The following ZNF778 variants were observed in gnomAD, a reference collection of about 807,000 sequenced individuals.
The protein encoded by ZNF778 is zinc finger protein 778.
ZNF778 carries 37 observed loss-of-function variants against 23.9 expected under a neutral mutation model. That is an observed-to-expected ratio of 1.54 (90% CI 1.19 to 2.03). The LOEUF (loss-of-function observed/expected upper bound fraction) is 2.03. Among genes scored for constraint, ZNF778 ranks in the 30% most tolerant of loss-of-function variants. ZNF778 has a pLI of 0.00. For synonymous variants in ZNF778, 483 were observed against 343.9 expected (o/e 1.40, Z -4.48); for missense variants, 1,297 against 934.4 (o/e 1.39, Z -5.06).
chr16:89,225,801 G>C (rs1022690630), intron 6 of ZNF778, among the ~76,000 whole-genome samples, 170 bp downstream of exon 6: 3 of 152,314 alleles, frequency 2.0e-5, no homozygotes, highest in South Asian at 2.1e-4. Context: ...ACCTCATCCT[G>C]TCTTGAAACT....
Position 89,228,485 on chromosome 16 carries a change from G to A in ZNF778, c.2197G>A (p.Asp733Asn), listed in dbSNP as rs199878884. Residue 733 changes from aspartate to asparagine, a missense_variant, in exon 7 of 7, where the codon GAC (aspartate) becomes AAC (asparagine). By Grantham distance (23) the Asp-to-Asn change is conservative (BLOSUM62 1). Coordinates refer to ENST00000433976, the MANE Select transcript of ZNF778 (RefSeq NM_001201407.2). ...TGAAGAGCAGGTTTTTGTATGTAAG[G>A]ACTGTGGAAAATCTTTTAAGAATTC... ...YTEEQVFVCKDCGKSFKNSSC... is the reference protein window; with the variant it reads ...YTEEQVFVCKNCGKSFKNSSC... 2 of 1,610,926 alleles carry A rather than the reference G, an allele frequency of 1.2e-6. No individual in the cohort carries two copies. The highest frequency in any genetic ancestry group is 1.7e-6 in the Non-Finnish European group (2 of 1,179,114).
Position 89,227,505 on chromosome 16 carries a change from C to G in ZNF778, c.1217C>G (p.Ser406Ter). The change falls in exon 7 of 7, where the codon TCA becomes TGA. Residue 406 changes from serine (S) to a stop codon, truncating the protein, a stop_gained. Transcript: ENST00000433976. LOFTEE classifies it low-confidence loss of function (END_TRUNC). ...VVCGKYFRNS[S>*]CLNNHVRIHT... ...TGCGGAAAATATTTTAGAAATTCCT[C>G]ATGCCTTAATAATCATGTTCGAATT... 1.2e-6 allele frequency: 2 copies of G among 1,613,870 alleles called. No individual in the cohort carries two copies. The highest frequency in any genetic ancestry group is 1.7e-6 in the Non-Finnish European group (2 of 1,179,866).
Position 89,221,059 on chromosome 16 carries a change from C to T in ZNF778, c.-69C>T. 6.5e-7 allele frequency: 1 copy of T among 1,536,928 alleles called. No individual in the cohort carries two copies. Among genetic ancestry groups the T allele is most frequent in the Non-Finnish European group, 8.8e-7 (1 of 1,134,144 alleles). On this transcript the variant is annotated 5_prime_UTR_variant, in exon 2 of 7. Transcript: ENST00000433976. ...GGAGACTGTACCTTCCACATAGATTCACAAGCTGCCCTGCAGTGGCCTTGG... is the reference window on the plus strand; with the variant it reads ...GGAGACTGTACCTTCCACATAGATTTACAAGCTGCCCTGCAGTGGCCTTGG...
chr16:89,228,613 T>C lies in ZNF778; in HGVS notation c.*51T>C. ...GCTACACTCATTCACGTTGAAGACA[T>C]GAAAGACCTCTCGTTCTCCAGATGT... is the stretch of plus-strand genomic sequence containing the variant. On this transcript the variant is annotated 3_prime_UTR_variant, in exon 7 of 7. Coordinates refer to ENST00000433976, the MANE Select transcript of ZNF778 (RefSeq NM_001201407.2). 1 of 1,525,424 alleles carries C rather than the reference T, an allele frequency of 6.6e-7. No individual in the cohort carries two copies. The highest frequency in any genetic ancestry group is 1.4e-5 in the African/African-American group (1 of 72,008). The allele number at this position is 1,525,424 out of a possible 1,614,324, so 94.5% of individuals were successfully genotyped here. A position where few individuals can be genotyped will look rare whatever the true frequency, so the allele number is the denominator to read the frequency against.
intron 2 of ZNF778, among the ~76,000 whole-genome samples, chr16:89,221,419 A>T (rs1209082435): frequency 6.6e-6 from 1 of 152,218 alleles, no homozygotes; most frequent in Non-Finnish European, 1.5e-5. Context: ...TATCTGCAAT[A>T]GGAGCCTGTT....
Position 89,221,118 on chromosome 16 carries a change from G to A in ZNF778, c.-10G>A, listed in dbSNP as rs143895614. 6.4e-7 allele frequency: 1 copy of A among 1,567,578 alleles called. No homozygotes were observed. The highest frequency in any genetic ancestry group is 8.7e-7 in the Non-Finnish European group (1 of 1,155,782). On this transcript the variant is annotated 5_prime_UTR_variant, in exon 2 of 7. Transcript: ENST00000433976. ...AAGGAGCATTCAGACGCTTCCGTCA[G>A]CCTCCCAGGATGGCAGCCCCTGACC...
rs1051279097 is a variant in ZNF778, at chr16:89,232,643, T to G, written c.*4081T>G. The G allele has an allele frequency of 1.2e-5, 13 of 1,047,486 alleles. No homozygotes were observed. The African/African-American group carries it at 5.6e-4, about 45-fold the overall frequency. 64.9% of individuals were successfully genotyped at this position (1,047,486 alleles called of 1,614,324 possible). On this transcript the variant is annotated 3_prime_UTR_variant, in exon 7 of 7. Transcript: ENST00000433976. ...TAAAGGACCAATTGTATTAATTATG[T>G]TTTTTTTTTTTTTGTTAGGGTACAT...
chr16:89,222,403 G>A (rs550781427), intron 3 of ZNF778, among the ~76,000 whole-genome samples: 69 of 151,908 alleles, frequency 4.5e-4, no homozygotes, highest in African/African-American at 1.3e-3. Context: ...TCGCTTTGTC[G>A]CCCAGGCTGG....
At chr16:89,219,297 A>G (rs1176490221) in intron 1 of ZNF778, among the ~76,000 whole-genome samples, 2 of 152,112 alleles carry the variant, frequency 1.3e-5, no homozygotes, top group Admixed American at 6.6e-5. Flanking sequence ...TCTCTATCAT[A>G]TTGACTTTGG....
rs144614297 is a variant in ZNF778, at chr16:89,220,347, G to C, written c.-131-650G>C. ...TTTGTCCTGCTGGGGAGTGACCGCA[G>C]ACTCAGGAGTACAAACTGACGAGAC... On this transcript the variant is annotated intron_variant, in intron 1 of 6. Transcript: ENST00000433976. Among the ~76,000 whole-genome samples, 414 of 152,304 alleles carry C rather than the reference G, an allele frequency of 2.7e-3. 1 individual carries two copies. Among genetic ancestry groups the C allele is most frequent in the African/African-American group, 9.3e-3 (388 of 41,570 alleles).
rs2031123381 is a variant in ZNF778 at position 89,223,069 on chromosome 16, C to T, written c.118-88C>T. ...GTAGACAGTAGGAGGCCTCACAGTC[C>T]CATAGGCGTAGGGCCCCGCCTCCTC... On this transcript the variant is annotated intron_variant, in intron 3 of 6. Transcript: ENST00000433976. The T allele has an allele frequency of 4.0e-6, 6 of 1,491,334 alleles. No homozygotes were observed. In the South Asian group the frequency reaches 6.6e-5, roughly 16 times the overall value. The allele number at this position is 1,491,334 out of a possible 1,614,324, so 92.4% of individuals were successfully genotyped here.
At position 89,230,117 on chromosome 16, in the gene ZNF778, G is replaced by A; in HGVS notation, c.*1555G>A. ...TGACCCACCTGTAGGGTCCCACACT[G>A]GCCAATGTTGGGGCATAACACAGCT... is the stretch of plus-strand genomic sequence containing the variant. On this transcript the variant is annotated 3_prime_UTR_variant, in exon 7 of 7. Transcript: ENST00000433976. 1.3e-6 allele frequency: 1 copy of A among 788,242 alleles called. No individual in the cohort carries two copies. Among genetic ancestry groups the A allele is most frequent in the Non-Finnish European group, 1.5e-6 (1 of 651,312 alleles). 48.8% of individuals were successfully genotyped at this position (788,242 alleles called of 1,614,324 possible). A position where few individuals can be genotyped will look rare whatever the true frequency, so the allele number is the denominator to read the frequency against.
At chr16:89,223,112 G>A (rs769299792) in intron 3 of ZNF778, 45 bp from the exon 4 acceptor site, 7 of 1,596,770 alleles carry the variant, frequency 4.4e-6, no homozygotes, top group African/African-American at 2.7e-5. Flanking sequence ...AGTGAATACC[G>A]ATGGACACGT....
At position 89,233,026 on chromosome 16, in the gene ZNF778, C is replaced by T. The variant is rs576195094; in HGVS notation, c.*4464C>T. ...CTCGCTCTGCGTATGCAACTCAAGT[C>T]GCACTGCGTATGCAACTCAGCTCGC... On this transcript the variant is annotated 3_prime_UTR_variant, in exon 7 of 7. Transcript: ENST00000433976. The T allele has an allele frequency of 3.5e-5, 45 of 1,274,812 alleles. No homozygotes were observed. The highest frequency in any genetic ancestry group is 2.9e-4 in the East Asian group (5 of 17,360). The allele number at this position is 1,274,812 out of a possible 1,614,324, so 79.0% of individuals were successfully genotyped here.
rs12934482 is a variant in ZNF778, at chr16:89,232,159, G to A, written c.*3597G>A. 0.73 allele frequency: 117,895 copies of A among 161,476 alleles called. 46,084 individuals are homozygous for A. The highest frequency in any genetic ancestry group is 0.89 in the Non-Finnish European group (64,346 of 72,588). The allele number at this position is 161,476 out of a possible 1,614,324, so 10.0% of individuals were successfully genotyped here. Reference sequence around the variant, plus strand: ...GGGTCATGGGGGCACCCTCCTGAATGGTTGGATACCATTCATTCTTGCTGT... The same window carrying A: ...GGGTCATGGGGGCACCCTCCTGAATAGTTGGATACCATTCATTCTTGCTGT... On this transcript the variant is annotated 3_prime_UTR_variant, in exon 7 of 7. Transcript: ENST00000433976.
Position 89,230,953 on chromosome 16 carries a change from C to T in ZNF778, c.*2391C>T, listed in dbSNP as rs1268444371. 3.3e-5 allele frequency: 5 copies of T among 151,616 alleles called. No homozygotes were observed. In the East Asian group the frequency reaches 9.7e-4, roughly 29 times the overall value. 9.4% of individuals were successfully genotyped at this position (151,616 alleles called of 1,614,324 possible). ...ACCTTCATGTTACGTGTTTAAAATT[C>T]TGGATGGACAGACCCGTGCACCTTC... On this transcript the variant is annotated 3_prime_UTR_variant, in exon 7 of 7. Coordinates refer to ENST00000433976, the MANE Select transcript of ZNF778 (RefSeq NM_001201407.2).
chr16:89,226,174 T>G (rs181595385), intron 6 of ZNF778, among the ~76,000 whole-genome samples: 5 of 152,160 alleles, frequency 3.3e-5, no homozygotes, highest in African/African-American at 1.2e-4. Flanking sequence ...CCTCCCAAAG[T>G]ACTGGGATTA....
Position 89,228,444 on chromosome 16 carries a change from A to T in ZNF778, c.2156A>T (p.His719Leu), listed in dbSNP as rs1168438697. The change falls in exon 7 of 7, where the codon CAT (histidine) becomes CTT (leucine). Residue 719 changes from histidine (H) to leucine (L), a missense_variant. Physicochemically the swap from His to Leu is moderately conservative, Grantham distance 99. Transcript: ENST00000433976. ...AATAGGTTTTATCTACTAAAAGAAC[A>T]TTTAAAAACTTACACTGAAGAGCAG... ...AYNRFYLLKE[H>L]LKTYTEEQVF... 1 of 1,613,874 alleles carries T rather than the reference A, an allele frequency of 6.2e-7. No individual in the cohort carries two copies. The highest frequency in any genetic ancestry group is 1.3e-5 in the African/African-American group (1 of 74,950).
intron 4 of ZNF778, among the ~76,000 whole-genome samples, chr16:89,223,685 T>G (rs1297577299): frequency 6.6e-6 from 1 of 152,166 alleles, no homozygotes; most frequent in Non-Finnish European, 1.5e-5. Flanking sequence ...GTCTTTGTGG[T>G]TTTTACGTGT....
Sources: gnomAD v4.1 joint callset for allele counts (sites outside exome capture counted in the v4.1 genomes callset) on GRCh38, gnomAD v4.1.1 for gene constraint, MANE v1.5 for transcripts, NCBI Gene and HGNC (gene_info 2026-07-23, HGNC 2026-07-21) for gene names.